Variants in LRRC7 observed in about 807,000 individuals in gnomAD.
The protein encoded by LRRC7 is leucine rich repeat containing 7.
Under a neutral mutation model 175.7 loss-of-function variants are expected in LRRC7, and 23 were observed. That is an observed-to-expected ratio of 0.13 (90% CI 0.09 to 0.19). LRRC7 has a LOEUF of 0.19. LRRC7 is among the 10% of genes least tolerant of loss of function. The probability of loss-of-function intolerance (pLI) is 1.00; values close to 1 mark genes in which losing one functional copy is unlikely to be tolerated. For synonymous variants in LRRC7, 685 were observed against 680.9 expected (o/e 1.01, Z -0.09); for missense variants, 1,354 against 1,904.7 (o/e 0.71, Z 5.38).
At chr1:69,730,548 GC>G (rs376249840) in intron 2 of LRRC7, among the ~76,000 whole-genome samples, 218 of 152,118 alleles carry the variant, frequency 1.4e-3, no homozygotes, top group African/African-American at 4.6e-3. Context: ...ACCTCATCCT[GC>G]ACTTTATTGT....
chr1:70,000,068 A>G (rs1222930927), intron 11 of LRRC7, among the ~76,000 whole-genome samples: 1 of 152,116 alleles, frequency 6.6e-6, no homozygotes, highest in Non-Finnish European at 1.5e-5. Flanking sequence ...CGAAGACACA[A>G]ATGTCTAGGG....
At chr1:69,778,491 C>A (rs1673069400) in intron 3 of LRRC7, among the ~76,000 whole-genome samples, 1 of 152,048 alleles carries the variant, frequency 6.6e-6, no homozygotes, top group Admixed American at 6.6e-5. Flanking sequence ...AATATATATG[C>A]AAGAGTATAT....
intron 24 of LRRC7, among the ~76,000 whole-genome samples, chr1:70,077,032 A>C (rs1054034577): frequency 3.3e-5 from 5 of 152,204 alleles, no homozygotes; most frequent in African/African-American, 1.2e-4. Context: ...TTCATTATTC[A>C]GATAGATAGG....
At chr1:69,646,094 T>C (rs565063402) in intron 1 of LRRC7, among the ~76,000 whole-genome samples, 63 of 152,274 alleles carry the variant, frequency 4.1e-4, no homozygotes, top group Admixed American at 2.2e-3. Flanking sequence ...TTGGACAGCA[T>C]ACTTATAATT....
intron 1 of LRRC7, among the ~76,000 whole-genome samples, chr1:69,612,863 G>T (rs1014262770): frequency 2.6e-5 from 4 of 151,868 alleles, no homozygotes; most frequent in Non-Finnish European, 2.9e-5. Flanking sequence ...AACTTAACGG[G>T]GTCAAGTAGC....
chr1:70,011,071 C>T (rs932323007), intron 11 of LRRC7, among the ~76,000 whole-genome samples: 1 of 152,170 alleles, frequency 6.6e-6, no homozygotes, highest in African/African-American at 2.4e-5. Flanking sequence ...ATTTTAAATA[C>T]TTATATAATT....
chr1:69,772,583 A>G (rs538264847), intron 3 of LRRC7, among the ~76,000 whole-genome samples: 1 of 152,342 alleles, frequency 6.6e-6, no homozygotes, highest in East Asian at 1.9e-4. Context: ...TGCAGTGGAA[A>G]TACATTGTAG....
At chr1:69,997,950 T>A (rs1655161430) in intron 11 of LRRC7, among the ~76,000 whole-genome samples, 1 of 152,138 alleles carries the variant, frequency 6.6e-6, no homozygotes, top group African/African-American at 2.4e-5. Flanking sequence ...CTTTTTCTAT[T>A]GATTGGAATA....
rs181380522 is a variant in LRRC7, at chr1:70,101,572, A to T, written c.4546-6180A>T. Among the ~76,000 whole-genome samples the T allele has an allele frequency of 1.6e-4, 25 of 152,274 alleles. 1 individual carries two copies. Among genetic ancestry groups the T allele is most frequent in the East Asian group, 1.5e-3 (8 of 5,190 alleles). On this transcript the variant is annotated intron_variant, in intron 25 of 26. Coordinates refer to ENST00000651989, the MANE Select transcript of LRRC7 (RefSeq NM_001370785.2). ...GTAAACTAACTTTCTAAGTCCTTTA[A>T]GGTTTATGTCCAGGGATGTAGAGGC...
intron 2 of LRRC7, among the ~76,000 whole-genome samples, chr1:69,686,912 G>T (rs971400960): frequency 2.0e-5 from 3 of 151,978 alleles, no homozygotes; most frequent in African/African-American, 7.2e-5. Flanking sequence ...GATAGAAAAA[G>T]AAATACCATG....
chr1:70,010,252 A>G (rs1656379014), intron 11 of LRRC7, among the ~76,000 whole-genome samples: 1 of 152,198 alleles, frequency 6.6e-6, no homozygotes, highest in Non-Finnish European at 1.5e-5. Flanking sequence ...ATTGCATTCA[A>G]GCTAACTAGT....
At chr1:70,085,091 GT>G (rs1159905411) in intron 24 of LRRC7, among the ~76,000 whole-genome samples, 1 of 151,956 alleles carries the variant, frequency 6.6e-6, no homozygotes, top group Non-Finnish European at 1.5e-5. Context: ...CATTCTGTGG[GT>G]TTTCTTTTCA....
At chr1:69,949,494 T>G (rs1221601882) in intron 8 of LRRC7, among the ~76,000 whole-genome samples, 1 of 152,010 alleles carries the variant, frequency 6.6e-6, no homozygotes, top group Non-Finnish European at 1.5e-5. Context: ...GAGGCAGAGG[T>G]TGCAGTAAGT....
At chr1:69,822,714 G>C (rs1189645217) in intron 4 of LRRC7, among the ~76,000 whole-genome samples, 1 of 152,168 alleles carries the variant, frequency 6.6e-6, no homozygotes, top group African/African-American at 2.4e-5. Flanking sequence ...AGCTGTGCTA[G>C]CTTGAGGGTG....
chr1:69,581,373 G>T (rs1194523381), intron 1 of LRRC7, among the ~76,000 whole-genome samples: 7 of 152,158 alleles, frequency 4.6e-5, no homozygotes, highest in Admixed American at 2.6e-4. Context: ...AGAGATAGAT[G>T]AAAGTGAAAT....
At chr1:69,876,145 G>T (rs1009221054) in intron 7 of LRRC7, among the ~76,000 whole-genome samples, 7 of 152,010 alleles carry the variant, frequency 4.6e-5, no homozygotes, top group African/African-American at 1.7e-4. Context: ...GAAGTTACGG[G>T]TTTCTGGAAC....
Position 70,076,661 on chromosome 1 carries a change from T to G in LRRC7, c.4452+363T>G, listed in dbSNP as rs369639852. Among the ~76,000 whole-genome samples the G allele has an allele frequency of 1.2e-4, 19 of 152,348 alleles. No homozygotes were observed. In the South Asian group the frequency reaches 3.9e-3, roughly 32 times the overall value. ...TAGGTATATTTACCAAGTCTGCTGT[T>G]GAAACCTTCAGTGTGAAAGTAAACT... On this transcript the variant is annotated intron_variant, in intron 24 of 26. Transcript: ENST00000651989.
intron 7 of LRRC7, among the ~76,000 whole-genome samples, chr1:69,858,203 A>G (rs2101516166): frequency 6.6e-6 from 1 of 152,336 alleles, no homozygotes; most frequent in South Asian, 2.1e-4. Context: ...AGGCATGGGC[A>G]AGGACTTCAT....
intron 9 of LRRC7, among the ~76,000 whole-genome samples, chr1:69,983,456 C>T (rs1653637674): frequency 6.6e-6 from 1 of 152,244 alleles, no homozygotes; most frequent in African/African-American, 2.4e-5. Context: ...ATGCATCCTT[C>T]TCCAGGACTT....
Sources: gnomAD v4.1 joint callset for allele counts (sites outside exome capture counted in the v4.1 genomes callset) on GRCh38, gnomAD v4.1.1 for gene constraint, MANE v1.5 for transcripts, NCBI Gene and HGNC (gene_info 2026-07-23, HGNC 2026-07-21) for gene names.